Variants in CHRD observed in about 807,000 individuals in gnomAD.
CHRD encodes chordin.
CHRD carries 69 observed loss-of-function variants against 113.7 expected under a neutral mutation model. The observed-to-expected ratio is 0.61, with a 90% CI of 0.50 to 0.74. The LOEUF (loss-of-function observed/expected upper bound fraction) is 0.74, where lower values mean the gene tolerates loss of function less well. Among genes scored for constraint, CHRD ranks in the 30% least tolerant of loss-of-function variants. The probability of loss-of-function intolerance (pLI) is 0.00; values close to 1 mark genes in which losing one functional copy is unlikely to be tolerated. For synonymous variants in CHRD, 561 were observed against 540.8 expected, an observed-to-expected ratio of 1.04 and a Z score of -0.52; for missense variants, 1,194 against 1,295.8, an observed-to-expected ratio of 0.92 and a Z score of 1.21.
chr3:184,386,563 G>T lies in CHRD; in HGVS notation c.2004G>T (p.Ala668=), dbSNP rs1190124576. The T allele has an allele frequency of 1.2e-5, 18 of 1,554,020 alleles. No individual in the cohort carries two copies. In the Admixed American group the frequency reaches 3.2e-4, roughly 28 times the overall value. ...CGGCCGGGGCCGAGGGGGTGCGGGC[G>T]CTGGGGGCTCCGGATACAGCCTCTG... is the stretch of plus-strand genomic sequence containing the variant. Residue 668 remains alanine, a synonymous_variant, in exon 16 of 23, where the codon GCG becomes GCT. Coordinates refer to ENST00000204604, the Ensembl canonical transcript of CHRD.
At position 184,387,738 on chromosome 3, in the gene CHRD, C is replaced by T. The variant is rs1716557750; in HGVS notation, c.2452-193C>T. Reference sequence around the variant, plus strand: ...TGTCCCTGAGCCTCACTTTCCTCTCCTGTAAGCAGATATGATGGCACCTAC... The same window carrying T: ...TGTCCCTGAGCCTCACTTTCCTCTCTTGTAAGCAGATATGATGGCACCTAC... On this transcript the variant is annotated intron_variant, in intron 19 of 22. Transcript: ENST00000204604. The surrounding 1 kb of genome is among the most constrained non-coding windows in gnomAD (Gnocchi z 6.1). 6.6e-6 allele frequency among the ~76,000 whole-genome samples: 1 copy of T among 152,218 alleles called. No homozygotes were observed. Among genetic ancestry groups the T allele is most frequent in the African/African-American group, 2.4e-5 (1 of 41,454 alleles).
Position 184,388,023 on chromosome 3 carries a change from A to G in CHRD, c.2544A>G (p.Lys848=). The change falls in exon 20 of 23, where the codon AAA becomes AAG. Residue 848 remains lysine (K), a synonymous_variant. Coordinates refer to ENST00000204604, the Ensembl canonical transcript of CHRD. The surrounding 1 kb of genome is among the most constrained non-coding windows in gnomAD (Gnocchi z 6.1). ...GTGTCAACCCCACCGACTGCTGCAA[A>G]CAGTGTCCAGGTGAGAGAGGTGGCT... 6.2e-7 allele frequency: 1 copy of G among 1,613,380 alleles called. No individual in the cohort carries two copies. Among genetic ancestry groups the G allele is most frequent in the Non-Finnish European group, 8.5e-7 (1 of 1,179,806 alleles).
intron 22 of CHRD, 145 bp downstream of exon 22, chr3:184,389,140 A>G: frequency 1.5e-6 from 1 of 675,048 alleles, no homozygotes; most frequent in Non-Finnish European, 2.6e-6. Context: ...CCTCACAGCA[A>G]CCTGGTGGAA....
Position 184,388,589 on chromosome 3 carries a change from G to C in CHRD, c.2557G>C (p.Gly853Arg), listed in dbSNP as rs1192222231. The C allele has an allele frequency of 2.5e-6, 4 of 1,609,344 alleles. No homozygotes were observed. In the East Asian group the frequency reaches 6.7e-5, roughly 27 times the overall value. ...CCTTTCTCTTTCCCTCTCAACAGTGGGGTCGGGGGCCCACCCCCAGCTGGG... is the reference window on the plus strand; with the variant it reads ...CCTTTCTCTTTCCCTCTCAACAGTGCGGTCGGGGGCCCACCCCCAGCTGGG... The change falls in exon 21 of 23, where the codon GGG (glycine) becomes CGG (arginine). Residue 853 changes from glycine to arginine, a missense_variant and splice_region_variant. By Grantham distance (125) the Gly-to-Arg change is moderately radical. Transcript: ENST00000204604. The surrounding 1 kb of genome is among the most constrained non-coding windows in gnomAD (Gnocchi z 6.1).
rs1481968249 is a variant in CHRD at position 184,387,961 on chromosome 3, G to T, written c.2482G>T (p.Val828Leu). ...CACTGGAGAGGTGCACTGTGAGAAG[G>T]TGCAGTGTCCCCGGCTGGCCTGTGC... Residue 828 changes from valine (V) to leucine (L), a missense_variant, in exon 20 of 23, where the codon GTG (valine) becomes TTG (leucine). By Grantham distance (32) the Val-to-Leu change is conservative. Transcript: ENST00000204604. This position sits in a 1 kb window ranked among gnomAD's most constrained non-coding sequence, Gnocchi z 6.1. 6.2e-7 allele frequency: 1 copy of T among 1,613,502 alleles called. No homozygotes were observed. Among genetic ancestry groups the T allele is most frequent in the South Asian group, 1.1e-5 (1 of 90,798 alleles).
intron 12 of CHRD, 79 bp downstream of exon 12, chr3:184,383,721 T>A: frequency 7.2e-7 from 1 of 1,396,050 alleles, no homozygotes; most frequent in Non-Finnish European, 9.7e-7. Flanking sequence ...GCAGGGATGT[T>A]CATTATCATC....
intron 6 of CHRD, 158 bp from the exon 7 acceptor site, chr3:184,382,231 G>C (rs1269761567): frequency 2.1e-5 from 27 of 1,293,584 alleles, no homozygotes; most frequent in Non-Finnish European, 2.7e-5. Context: ...GCCAGGATTG[G>C]AACCCAAGCA....
rs1479763464 is a variant in CHRD at position 184,388,229 on chromosome 3, A to ATCCGTCCG, written c.2554+199_2554+200insGTCCGTCC. On this transcript the variant is annotated intron_variant, in intron 20 of 22. Transcript: ENST00000204604. The surrounding 1 kb of genome is among the most constrained non-coding windows in gnomAD (Gnocchi z 6.1). The stretch of plus-strand genomic sequence containing the variant: ...TATGATGGGTTCTGGTTCCTGCTCC[A>ATCCGTCCG]TCCATCCGTCCATCCATCCATCCAT... Among the ~76,000 whole-genome samples, 1 of 142,470 alleles carries ATCCGTCCG rather than the reference A, an allele frequency of 7.0e-6. No homozygotes were observed. Among genetic ancestry groups the ATCCGTCCG allele is most frequent in the South Asian group, 2.2e-4 (1 of 4,456 alleles). 93.5% of individuals were successfully genotyped at this position (142,470 alleles called of 152,430 possible). A position where few individuals can be genotyped will look rare whatever the true frequency, so the allele number is the denominator to read the frequency against.
In CHRD at chr3:184,380,640, C is replaced by T; in HGVS notation, c.149-52C>T. ...CGGGACCCGCGGGCAGCCCCCGGGG[C>T]GGCACACGGCGCGAGCTGGGCAGCG... On this transcript the variant is annotated intron_variant, in intron 1 of 22. Coordinates refer to ENST00000204604, the Ensembl canonical transcript of CHRD. This position sits in a 1 kb window ranked among gnomAD's most constrained non-coding sequence, Gnocchi z 6.3. 4 of 1,411,384 alleles carry T rather than the reference C, an allele frequency of 2.8e-6. 1 individual carries two copies. The South Asian group carries it at 4.1e-5, about 14-fold the overall frequency. The allele number at this position is 1,411,384 out of a possible 1,614,324, so 87.4% of individuals were successfully genotyped here. A position where few individuals can be genotyped will look rare whatever the true frequency, so the allele number is the denominator to read the frequency against.
In CHRD at chr3:184,381,415, T is replaced by C. The variant is rs567035947; in HGVS notation, c.382+51T>C. The C allele has an allele frequency of 3.8e-6, 6 of 1,598,938 alleles. No homozygotes were observed. In the South Asian group the frequency reaches 6.7e-5, roughly 18 times the overall value. ...AGGGAGGCAGGGCCACGATACTAGG[T>C]CCCGGGCCACTTGGATGGGGCGTCG... On this transcript the variant is annotated intron_variant, in intron 3 of 22. Transcript: ENST00000204604. The surrounding 1 kb of genome is among the most constrained non-coding windows in gnomAD (Gnocchi z 4.7).
chr3:184,383,386 A>T, exon 11 of CHRD: 1 of 1,613,774 alleles, frequency 6.2e-7, no homozygotes. Flanking sequence ...AGCCAGCCTC[A>T]CGCTGCTAGG....
exon 14 of CHRD, chr3:184,385,139 G>A: frequency 6.2e-7 from 1 of 1,614,182 alleles, no homozygotes; most frequent in Non-Finnish European, 8.5e-7. Flanking sequence ...TGCTGGCTGG[G>A]CTTGGTGGCT....
In CHRD at chr3:184,388,799, G is replaced by A. The variant is rs1716778128; in HGVS notation, c.2709+58G>A. The stretch of plus-strand genomic sequence containing the variant: ...GTACTGGGAGCCTGGTCTGGAGTAG[G>A]GAGACCTTCCCAGGGAGGTCCCTGA... On this transcript the variant is annotated intron_variant, in intron 21 of 22. Transcript: ENST00000204604. This position sits in a 1 kb window ranked among gnomAD's most constrained non-coding sequence, Gnocchi z 6.1. 2 of 1,607,406 alleles carry A rather than the reference G, an allele frequency of 1.2e-6. No individual in the cohort carries two copies. The highest frequency in any genetic ancestry group is 1.7e-5 in the Admixed American group (1 of 59,850).
Position 184,381,498 on chromosome 3 carries a change from C to A in CHRD, c.385C>A (p.Arg129Ser). 6.3e-7 allele frequency: 1 copy of A among 1,594,260 alleles called. No homozygotes were observed. Among genetic ancestry groups the A allele is most frequent in the South Asian group, 1.1e-5 (1 of 88,788 alleles). ...TGTTCTTACCCCCCCGCCCGCAGAG[C>A]GCAGCAGTTCGGAGCGGCAGCCGAG... Residue 129 changes from arginine to serine, a missense_variant and splice_region_variant, in exon 4 of 23, where the codon CGC becomes AGC. By Grantham distance (110) the Arg-to-Ser change is moderately radical (BLOSUM62 -1). Transcript: ENST00000204604. This position sits in a 1 kb window ranked among gnomAD's most constrained non-coding sequence, Gnocchi z 4.7.
Position 184,381,590 on chromosome 3 carries a change from C to A in CHRD, c.477C>A (p.Gly159=), listed in dbSNP as rs35929225. 450,000 of 1,606,544 alleles carry A rather than the reference C, an allele frequency of 0.28. 67,444 individuals are homozygous for A. Among genetic ancestry groups the A allele is most frequent in the Middle Eastern group, 0.39 (2,373 of 6,044 alleles). ...GTTATAGCGACCGCGGGGAGCCAGG[C>A]GCTGAGGAGCGGGCCCGTGGTGACG... The change falls in exon 4 of 23, where the codon GGC becomes GGA. Residue 159 remains glycine, a synonymous_variant. Transcript: ENST00000204604. The surrounding 1 kb of genome is among the most constrained non-coding windows in gnomAD (Gnocchi z 4.7).
exon 10 of CHRD, chr3:184,383,080 G>C (rs1361813076): frequency 1.2e-6 from 2 of 1,611,368 alleles, no homozygotes; most frequent in Middle Eastern, 1.7e-4. Context: ...CTGGTGCTGG[G>C]GGAGCTGCAG....
chr3:184,381,861 G>C lies in CHRD; in HGVS notation c.611+46G>C. 6.2e-7 allele frequency: 1 copy of C among 1,611,274 alleles called. No homozygotes were observed. Among genetic ancestry groups the C allele is most frequent in the Non-Finnish European group, 8.5e-7 (1 of 1,178,648 alleles). On this transcript the variant is annotated intron_variant, in intron 5 of 22. Coordinates refer to ENST00000204604, the Ensembl canonical transcript of CHRD. The surrounding 1 kb of genome is among the most constrained non-coding windows in gnomAD (Gnocchi z 4.7). ...AGGAGGGGTCAGCTGCCGGGGCCCG[G>C]GAGGGAAACTGGGAGAGCTGGGAGG...
chr3:184,384,742 G>A lies in CHRD; in HGVS notation c.1597+49G>A, dbSNP rs1716016001. On this transcript the variant is annotated intron_variant, in intron 13 of 22. Coordinates refer to ENST00000204604, the Ensembl canonical transcript of CHRD. This position sits in a 1 kb window ranked among gnomAD's most constrained non-coding sequence, Gnocchi z 4.4. ...TGCCCTTTGGTTTCCTAGAACATTT[G>A]AGGGATGGTGGCAGACAGCCGGAGC... 2.0e-6 allele frequency: 3 copies of A among 1,505,708 alleles called. No homozygotes were observed. Among genetic ancestry groups the A allele is most frequent in the Non-Finnish European group, 2.7e-6 (3 of 1,128,276 alleles). 93.3% of individuals were successfully genotyped at this position (1,505,708 alleles called of 1,614,324 possible).
chr3:184,384,462 G>A lies in CHRD; in HGVS notation c.1441-75G>A, dbSNP rs775363827. 2.3e-5 allele frequency: 31 copies of A among 1,367,124 alleles called. No individual in the cohort carries two copies. Among genetic ancestry groups the A allele is most frequent in the Admixed American group, 2.7e-5 (1 of 36,894 alleles). 84.7% of individuals were successfully genotyped at this position (1,367,124 alleles called of 1,614,324 possible). The stretch of plus-strand genomic sequence containing the variant: ...GGAAGTGTGTGTGGGTGGAGTGGGG[G>A]CACAAAATGGTCCAAGACTTCAGAA... On this transcript the variant is annotated intron_variant, in intron 12 of 22. Coordinates refer to ENST00000204604, the Ensembl canonical transcript of CHRD. This position sits in a 1 kb window ranked among gnomAD's most constrained non-coding sequence, Gnocchi z 4.4.
Sources: gnomAD v4.1 joint callset for allele counts (sites outside exome capture counted in the v4.1 genomes callset) on GRCh38, gnomAD v4.1.1 for gene constraint, Gnocchi (gnomAD v3.1) non-coding constraint, MANE v1.5 for transcripts, NCBI Gene and HGNC (gene_info 2026-07-23, HGNC 2026-07-21) for gene names.